Variants in CDC42BPA observed in about 807,000 individuals in gnomAD.
CDC42BPA encodes the protein serine/threonine-protein kinase MRCK alpha.
A neutral mutation model predicts 223.5 loss-of-function variants in CDC42BPA; 80 were observed. The ratio of observed to expected loss-of-function variants is 0.36; its 90% confidence interval spans 0.30 to 0.43. The LOEUF is 0.43. CDC42BPA is among the 20% of genes least tolerant of loss of function. The pLI, the probability that CDC42BPA is intolerant of heterozygous loss-of-function variation, is 1.00. For synonymous variants in CDC42BPA, 694 were observed against 718.6 expected (o/e 0.97, Z 0.55); for missense variants, 1,743 against 2,099.9 (o/e 0.83, Z 3.32).
chr1:227,309,121 T>C (rs544809575), intron 1 of CDC42BPA, among the ~76,000 whole-genome samples: 33 of 151,824 alleles, frequency 2.2e-4, no homozygotes, highest in African/African-American at 8.0e-4. Context: ...TCCCAGCACT[T>C]TGGGGAGGCC....
chr1:226,999,406 G>C (rs1662313463), intron 35 of CDC42BPA, among the ~76,000 whole-genome samples: 2 of 152,238 alleles, frequency 1.3e-5, no homozygotes, highest in Admixed American at 1.3e-4. Flanking sequence ...TCGATCTCCT[G>C]ACCTCGTGAT....
chr1:227,252,276 A>G (rs1164381598), intron 2 of CDC42BPA, among the ~76,000 whole-genome samples: 1 of 152,208 alleles, frequency 6.6e-6, no homozygotes, highest in East Asian at 1.9e-4. Flanking sequence ...AAATAAAAAG[A>G]GAGAGAAATG....
chr1:227,151,211 C>G (rs1260909324), intron 6 of CDC42BPA, among the ~76,000 whole-genome samples: 1 of 152,086 alleles, frequency 6.6e-6, no homozygotes, highest in Admixed American at 6.6e-5. Context: ...TTTCTTTGAA[C>G]TTGATTACTA....
At chr1:227,277,648 A>C (rs1429666809) in intron 1 of CDC42BPA, among the ~76,000 whole-genome samples, 2 of 152,246 alleles carry the variant, frequency 1.3e-5, no homozygotes, top group East Asian at 3.8e-4. Flanking sequence ...AATCATTAAG[A>C]TCCTCTCAAT....
At chr1:227,253,079 C>T (rs1189846439) in intron 2 of CDC42BPA, among the ~76,000 whole-genome samples, 1 of 152,076 alleles carries the variant, frequency 6.6e-6, no homozygotes, top group East Asian at 1.9e-4. Flanking sequence ...GAAGAATATA[C>T]CACGTCTATG....
At chr1:227,310,015 C>A (rs1156889338) in intron 1 of CDC42BPA, among the ~76,000 whole-genome samples, 1 of 152,184 alleles carries the variant, frequency 6.6e-6, no homozygotes, top group Non-Finnish European at 1.5e-5. Context: ...TGGATTCTCT[C>A]TCCAATCCAC....
Position 227,080,921 on chromosome 1 carries a change from C to G in CDC42BPA, c.2452G>C (p.Glu818Gln), listed in dbSNP as rs1304724877. 1.9e-6 allele frequency: 3 copies of G among 1,613,656 alleles called. No individual in the cohort carries two copies. The African/African-American group carries it at 4.0e-5, about 22-fold the overall frequency. ...TGAATTATTTCTGTGATTTGGGCTT[C>G]CCAATGTGCAACTGATTCTTTCTTG... The part of the protein sequence containing the change: ...ADKKESVAHW[E>Q]AQITEIIQWV... The change falls in exon 17 of 37, where the codon GAA (glutamate) becomes CAA (glutamine). Residue 818 changes from glutamate to glutamine, a missense_variant. This residue lies in a region of CDC42BPA where 464 missense variants were observed against 488.0 expected (regional missense o/e 0.95). Coordinates refer to ENST00000366766, the MANE Select transcript of CDC42BPA (RefSeq NM_001394014.1).
chr1:227,246,066 GC>G (rs1680893174), intron 2 of CDC42BPA, among the ~76,000 whole-genome samples: 1 of 152,136 alleles, frequency 6.6e-6, no homozygotes, highest in African/African-American at 2.4e-5. Context: ...CCAGAGGGGG[GC>G]CCACTGCCTG....
intron 34 of CDC42BPA, among the ~76,000 whole-genome samples, chr1:227,008,136 A>G (rs1664458151): frequency 6.6e-6 from 1 of 152,246 alleles, no homozygotes; most frequent in Non-Finnish European, 1.5e-5. Context: ...TTAGGTGCTG[A>G]AAGATATTTG....
intron 32 of CDC42BPA, among the ~76,000 whole-genome samples, chr1:227,019,851 A>G (rs530499719): frequency 6.6e-6 from 1 of 152,070 alleles, no homozygotes; most frequent in Admixed American, 6.6e-5. Flanking sequence ...TGCCATCCAG[A>G]CTTTGTTGTT....
chr1:227,294,724 G>A (rs1007146275), intron 1 of CDC42BPA, among the ~76,000 whole-genome samples: 1 of 118,232 alleles, frequency 8.5e-6, no homozygotes, highest in Non-Finnish European at 1.8e-5. Context: ...GCCGGGCGTG[G>A]TAGCGGGCGC....
chr1:227,029,667 G>GAA (rs1668893861), intron 29 of CDC42BPA, among the ~76,000 whole-genome samples: 1 of 151,732 alleles, frequency 6.6e-6, no homozygotes, highest in Non-Finnish European at 1.5e-5. Context: ...TTAGAATACT[G>GAA]TATTTATGAA....
At chr1:227,263,127 G>A (rs1002846311) in intron 1 of CDC42BPA, among the ~76,000 whole-genome samples, 2 of 152,154 alleles carry the variant, frequency 1.3e-5, no homozygotes, top group African/African-American at 4.8e-5. Context: ...CAGCTACTTG[G>A]GAGGCTGAGG....
At chr1:227,131,436 G>T (rs1657086045) in intron 10 of CDC42BPA, among the ~76,000 whole-genome samples, 1 of 152,180 alleles carries the variant, frequency 6.6e-6, no homozygotes, top group Non-Finnish European at 1.5e-5. Context: ...TCAGGGAGAG[G>T]TTTTAATCTC....
chr1:227,265,759 T>C (rs1347985338), intron 1 of CDC42BPA, among the ~76,000 whole-genome samples: 2 of 152,166 alleles, frequency 1.3e-5, no homozygotes, highest in Non-Finnish European at 1.5e-5. Context: ...GAAATACTAA[T>C]ACATAATTGT....
intron 29 of CDC42BPA, among the ~76,000 whole-genome samples, chr1:227,029,529 C>A (rs184614489): frequency 2.0e-5 from 3 of 152,148 alleles, no homozygotes; most frequent in Non-Finnish European, 4.4e-5. Flanking sequence ...TTTCTACTGG[C>A]ACTAAATTCT....
At chr1:227,202,408 TCA>T (rs1671943991) in intron 3 of CDC42BPA, among the ~76,000 whole-genome samples, 1 of 152,206 alleles carries the variant, frequency 6.6e-6, no homozygotes, top group African/African-American at 2.4e-5. Context: ...GTAAAGACTG[TCA>T]GAGCCTAGAA....
At chr1:227,131,931 C>G (rs577558687) in intron 10 of CDC42BPA, among the ~76,000 whole-genome samples, 106 of 152,280 alleles carry the variant, frequency 7.0e-4, no homozygotes, top group African/African-American at 2.3e-3. Context: ...CAGGTGGTAC[C>G]ATCACCTTAT....
chr1:227,273,857 G>GAAAAAAAAA (rs11295895), intron 1 of CDC42BPA, among the ~76,000 whole-genome samples: 2 of 133,912 alleles, frequency 1.5e-5, no homozygotes. Context: ...AAGAAACAAG[G>GAAAAAAAAA]AAAAAAAAAA....
Sources: gnomAD v4.1 joint callset for allele counts (sites outside exome capture counted in the v4.1 genomes callset) on GRCh38, gnomAD v4.1.1 for gene constraint, gnomAD v4.1.1 regional missense constraint, MANE v1.5 for transcripts, NCBI Gene and HGNC (gene_info 2026-07-23, HGNC 2026-07-21) for gene names.